The following CHRM3 variants were observed in gnomAD, a reference collection of about 807,000 sequenced individuals.
CHRM3 encodes muscarinic acetylcholine receptor M3.
Under a neutral mutation model 41.8 loss-of-function variants are expected in CHRM3, and 11 were observed. That is an observed-to-expected ratio of 0.26 (90% CI 0.17 to 0.44). CHRM3 has a LOEUF of 0.44. Among genes scored for constraint, CHRM3 ranks in the 20% least tolerant of loss-of-function variants. The pLI is 1.00. For missense variants in CHRM3, 571 were observed against 745.4 expected, an observed-to-expected ratio of 0.77 and a Z score of 2.72; for synonymous variants, 297 against 301.4, an observed-to-expected ratio of 0.99 and a Z score of 0.15.
At chr1:239,424,054 CAAAAAAAAA>C (rs772980892) in intron 1 of CHRM3, among the ~76,000 whole-genome samples, 55 of 78,918 alleles carry the variant, frequency 7.0e-4, no homozygotes, top group Non-Finnish European at 1.2e-3. Flanking sequence ...GACTCTGTCT[CAAAAAAAAA>C]AAAAAAAAGA....
chr1:239,438,400 G>A (rs895660385), intron 1 of CHRM3, among the ~76,000 whole-genome samples: 1 of 152,130 alleles, frequency 6.6e-6, no homozygotes, highest in Non-Finnish European at 1.5e-5. Context: ...AACTAATAAA[G>A]AGCAAGATTC....
intron 4 of CHRM3, among the ~76,000 whole-genome samples, chr1:239,661,771 G>T (rs557962648): frequency 6.6e-6 from 1 of 152,220 alleles, no homozygotes; most frequent in South Asian, 2.1e-4. Context: ...TCCACAGAAT[G>T]TACAACACGG....
intron 4 of CHRM3, among the ~76,000 whole-genome samples, chr1:239,642,405 A>T (rs894831463): frequency 6.6e-6 from 1 of 152,082 alleles, no homozygotes; most frequent in African/African-American, 2.4e-5. Flanking sequence ...AGGTACACCA[A>T]TCAGATGTAG....
chr1:239,669,837 A>G (rs1674183288), intron 4 of CHRM3, among the ~76,000 whole-genome samples: 1 of 152,216 alleles, frequency 6.6e-6, no homozygotes, highest in African/African-American at 2.4e-5. Context: ...TAATCAACCC[A>G]CTATACCCAT....
At chr1:239,675,578 TC>T (rs1240056920) in intron 4 of CHRM3, among the ~76,000 whole-genome samples, 1 of 152,214 alleles carries the variant, frequency 6.6e-6, no homozygotes, top group African/African-American at 2.4e-5. Flanking sequence ...TTGGTTTTTA[TC>T]TTGAGGGAAT....
intron 1 of CHRM3, among the ~76,000 whole-genome samples, chr1:239,466,884 C>T (rs1317764644): frequency 1.3e-5 from 2 of 152,238 alleles, no homozygotes; most frequent in East Asian, 3.9e-4. Context: ...TAAAAGGTTT[C>T]AGTCAATCTT....
intron 6 of CHRM3, among the ~76,000 whole-genome samples, chr1:239,844,485 G>C (rs1056369261): frequency 6.6e-6 from 1 of 152,124 alleles, no homozygotes; most frequent in Non-Finnish European, 1.5e-5. Flanking sequence ...TTCACTCAGA[G>C]GCTACATTTA....
intron 5 of CHRM3, chr1:239,826,953 C>T (rs1019816185): frequency 1.2e-4 from 19 of 152,186 alleles, no homozygotes; most frequent in African/African-American, 3.4e-4. Context: ...TGGAGAAATA[C>T]AAAAATATAC....
chr1:239,675,930 A>T (rs1403081748), intron 4 of CHRM3, among the ~76,000 whole-genome samples: 1 of 152,094 alleles, frequency 6.6e-6, no homozygotes, highest in Non-Finnish European at 1.5e-5. Context: ...GTATTTCACA[A>T]CTCTGGAGAA....
chr1:239,451,046 C>T (rs1312345027), intron 1 of CHRM3, among the ~76,000 whole-genome samples: 1 of 151,990 alleles, frequency 6.6e-6, no homozygotes, highest in African/African-American at 2.4e-5. Flanking sequence ...CACAGCGAGA[C>T]CCCTGTCTCT....
intron 5 of CHRM3, among the ~76,000 whole-genome samples, chr1:239,792,286 A>T (rs1669413367): frequency 1.3e-5 from 2 of 152,206 alleles, no homozygotes; most frequent in African/African-American, 4.8e-5. Flanking sequence ...ACCAGGGAGC[A>T]GTGATGGACA....
Position 239,433,148 on chromosome 1 carries a change from CA to C in CHRM3, c.-521+45922del, listed in dbSNP as rs201387884. Among the ~76,000 whole-genome samples the C allele has an allele frequency of 1.2e-3, 176 of 152,280 alleles. 2 individuals are homozygous for C. In the East Asian group the frequency reaches 0.026, roughly 22 times the overall value. On this transcript the variant is annotated intron_variant, in intron 1 of 6. Coordinates refer to ENST00000676153, the MANE Select transcript of CHRM3 (RefSeq NM_001375978.1). ...CCCAAACTGACTGCTCCCCAAATAC[CA>C]CAACCTACATATTTTTAAAGAATCT...
intron 6 of CHRM3, among the ~76,000 whole-genome samples, chr1:239,901,212 G>T (rs1050513350): frequency 2.0e-5 from 3 of 152,000 alleles, no homozygotes; most frequent in Non-Finnish European, 4.4e-5. Flanking sequence ...AACCTTCTCC[G>T]CATTTAAAAG....
chr1:239,592,108 T>A lies in CHRM3; in HGVS notation c.-312-40116T>A, dbSNP rs188814243. ...TAGATTGCTTTCTGTAAGAGGAGCT[T>A]ATTCATTTGAATTAGGCCTTCTCAC... On this transcript the variant is annotated intron_variant, in intron 3 of 6. Coordinates refer to ENST00000676153, the MANE Select transcript of CHRM3 (RefSeq NM_001375978.1). Among the ~76,000 whole-genome samples the A allele has an allele frequency of 4.4e-3, 672 of 152,334 alleles. 5 individuals carry two copies. Among genetic ancestry groups the A allele is most frequent in the African/African-American group, 0.016 (646 of 41,576 alleles).
At position 239,907,603 on chromosome 1, in the gene CHRM3, C is replaced by T; in HGVS notation, c.152C>T (p.Ser51Phe). 1 of 1,614,198 alleles carries T rather than the reference C, an allele frequency of 6.2e-7. No individual in the cohort carries two copies. Among genetic ancestry groups the T allele is most frequent in the East Asian group, 2.2e-5 (1 of 44,870 alleles). Reference sequence around the variant, plus strand: ...TCTCGAGCAGCTGGCAATTTCTCCTCTCCAGACGGTACCACCGATGACCCT... The same window carrying T: ...TCTCGAGCAGCTGGCAATTTCTCCTTTCCAGACGGTACCACCGATGACCCT... ...NVSRAAGNFS[S>F]PDGTTDDPLG... The change falls in exon 7 of 7, where the codon TCT becomes TTT. Residue 51 changes from serine to phenylalanine, a missense_variant. Ser to Phe is a radical substitution (Grantham distance 155, BLOSUM62 -2). Coordinates refer to ENST00000676153, the MANE Select transcript of CHRM3 (RefSeq NM_001375978.1). The surrounding 1 kb of genome is among the most constrained non-coding windows in gnomAD (Gnocchi z 5.4).
intron 3 of CHRM3, among the ~76,000 whole-genome samples, chr1:239,630,370 T>C (rs890108307): frequency 2.6e-5 from 4 of 152,234 alleles, no homozygotes; most frequent in African/African-American, 9.6e-5. Flanking sequence ...TAAAATCTAC[T>C]GTAAATATTT....
chr1:239,908,163 G>A lies in CHRM3; in HGVS notation c.712G>A (p.Ala238Thr), dbSNP rs201172153. The A allele has an allele frequency of 6.2e-6, 10 of 1,614,094 alleles. No individual in the cohort carries two copies. The highest frequency in any genetic ancestry group is 3.3e-5 in the South Asian group (3 of 91,072). ...CACCATTACTTTTGGCACAGCCATC[G>A]CTGCTTTTTATATGCCTGTCACCAT... The part of the protein sequence containing the change: ...EPTITFGTAI[A>T]AFYMPVTIMT... Residue 238 changes from alanine (A) to threonine (T), a missense_variant, in exon 7 of 7, where the codon GCT becomes ACT. Transcript: ENST00000676153. This position sits in a 1 kb window ranked among gnomAD's most constrained non-coding sequence, Gnocchi z 7.2.
intron 5 of CHRM3, among the ~76,000 whole-genome samples, chr1:239,686,000 A>AC (rs1260499560): frequency 6.6e-6 from 1 of 151,886 alleles, no homozygotes; most frequent in Non-Finnish European, 1.5e-5. Context: ...ACAAACAAAC[A>AC]AAAAAACTGT....
intron 1 of CHRM3, among the ~76,000 whole-genome samples, chr1:239,429,061 G>A (rs554995846): frequency 9.8e-4 from 149 of 152,166 alleles, no homozygotes; most frequent in Admixed American, 1.5e-3. Context: ...TTATTTCCTT[G>A]GGAAATTTCT....
Sources: gnomAD v4.1 joint callset for allele counts (sites outside exome capture counted in the v4.1 genomes callset) on GRCh38, gnomAD v4.1.1 for gene constraint, Gnocchi (gnomAD v3.1) non-coding constraint, MANE v1.5 for transcripts, NCBI Gene and HGNC (gene_info 2026-07-23, HGNC 2026-07-21) for gene names.